GLYR1: variants seen among roughly 807,000 people sequenced by gnomAD.
The protein encoded by GLYR1 is cytokine-like nuclear factor N-PAC.
In GLYR1, 21 loss-of-function variants were observed where a neutral mutation model predicts 72.7. The ratio of observed to expected loss-of-function variants is 0.29; its 90% CI spans 0.20 to 0.42. The LOEUF is 0.42. Ranked by LOEUF, GLYR1 falls within the 10% of genes least tolerant of loss-of-function variation. The pLI, the probability that GLYR1 is intolerant of heterozygous loss-of-function variation, is 1.00. For synonymous variants in GLYR1, 392 were observed against 270.2 expected, an observed-to-expected ratio of 1.45 and a Z score of -4.42; for missense variants, 594 against 712.1, an observed-to-expected ratio of 0.83 and a Z score of 1.89.
At position 4,821,444 on chromosome 16, in the gene GLYR1, A is replaced by G. The variant is rs1412150467; in HGVS notation, c.742T>C (p.Ser248Pro). The stretch of plus-strand genomic sequence containing the variant: ...CTGTCAGCTGCCTGGATGGAGGTGG[A>G]GCCAGTTTCCTACGGACAGGAAGCA... ...KLKICEEETGSTSIQAADSTA... is the reference protein window; with the variant it reads ...KLKICEEETGPTSIQAADSTA... The change falls in exon 9 of 16, where the codon TCC becomes CCC. Residue 248 changes from serine (S) to proline (P), a missense_variant. Ser to Pro is a moderately conservative substitution (Grantham distance 74). Around this residue, in one of 5 missense-constraint regions of GLYR1, gnomAD observed 252 missense variants for 211.3 expected, o/e 1.19. Transcript: ENST00000321919. The G allele has an allele frequency of 3.1e-6, 5 of 1,614,030 alleles. No homozygotes were observed. The highest frequency in any genetic ancestry group is 4.2e-6 in the Non-Finnish European group (5 of 1,180,048).
chr16:4,832,761 T>A lies in GLYR1; in HGVS notation c.294+13A>T. ...GTCTGGCATTGGTAGAAAGTGAACA[T>A]TGTGTCTCTCACCTGGTCTTTCCCT... On this transcript the variant is annotated intron_variant, in intron 4 of 15. Coordinates refer to ENST00000321919, the MANE Select transcript of GLYR1 (RefSeq NM_032569.4). The A allele has an allele frequency of 6.3e-7, 1 of 1,598,474 alleles. No homozygotes were observed. The highest frequency in any genetic ancestry group is 8.5e-7 in the Non-Finnish European group (1 of 1,171,528).
chr16:4,831,538 C>G (rs1246443530), intron 5 of GLYR1, among the ~76,000 whole-genome samples: 1 of 152,254 alleles, frequency 6.6e-6, no homozygotes, highest in Non-Finnish European at 1.5e-5. Context: ...GAATGCCTAC[C>G]CTTCTTTCTT....
At chr16:4,810,887 C>T (rs373888526) in intron 15 of GLYR1, among the ~76,000 whole-genome samples, 135 of 151,308 alleles carry the variant, frequency 8.9e-4, no homozygotes, top group African/African-American at 3.1e-3. Context: ...GGTGGATCAC[C>T]TGAGGTCAGG....
chr16:4,826,101 G>A (rs1363949965), intron 5 of GLYR1, among the ~76,000 whole-genome samples: 2 of 152,104 alleles, frequency 1.3e-5, no homozygotes, highest in Non-Finnish European at 2.9e-5. Context: ...AGGCTGGAGT[G>A]CAGTGACTCA....
intron 3 of GLYR1, among the ~76,000 whole-genome samples, chr16:4,836,736 C>T (rs563658895): frequency 2.8e-4 from 43 of 150,968 alleles, no homozygotes; most frequent in African/African-American, 9.3e-4. Context: ...AACTGGGTGG[C>T]TGTGGGATGG....
chr16:4,823,829 C>A lies in GLYR1; in HGVS notation c.616G>T (p.Ala206Ser). 1 of 1,613,798 alleles carries A rather than the reference C, an allele frequency of 6.2e-7. No individual in the cohort carries two copies. Among genetic ancestry groups the A allele is most frequent in the Non-Finnish European group, 8.5e-7 (1 of 1,179,860 alleles). Reference protein sequence around the residue: ...PMAAFKWQPTASEPVKDADPH... With the variant: ...PMAAFKWQPTSSEPVKDADPH... ...GCAGGAGAGCTCCTTACCTCGCTTG[C>A]GGTTGGCTGCCATTTAAACGCGGCC... is the stretch of plus-strand genomic sequence containing the variant. The change falls in exon 6 of 16, where the codon GCA (alanine) becomes TCA (serine). Residue 206 changes from alanine to serine, a missense_variant. Physicochemically the swap from Ala to Ser is moderately conservative, Grantham distance 99. Around this residue, in one of 5 missense-constraint regions of GLYR1, gnomAD observed 252 missense variants for 211.3 expected, o/e 1.19. Transcript: ENST00000321919.
At chr16:4,836,075 A>G (rs1033222509) in intron 3 of GLYR1, among the ~76,000 whole-genome samples, 41 of 152,314 alleles carry the variant, frequency 2.7e-4, no homozygotes, top group Middle Eastern at 3.4e-3. Context: ...CTGGGATTAC[A>G]GGTATGAGCC....
At chr16:4,812,947 C>A (rs533743606) in intron 12 of GLYR1, among the ~76,000 whole-genome samples, 1 of 150,914 alleles carries the variant, frequency 6.6e-6, no homozygotes, top group East Asian at 2.0e-4. Context: ...CAGGCAACCG[C>A]CACCATGCCT....
At position 4,805,174 on chromosome 16, in the gene GLYR1, C is replaced by G. The variant is rs1478709026; in HGVS notation, c.*62G>C. ...CAGAATGAACTCCCAGGCCCCCGACCCCATGTGAGGAAGAGGGGGTCAGAG... is the reference window on the plus strand; with the variant it reads ...CAGAATGAACTCCCAGGCCCCCGACGCCATGTGAGGAAGAGGGGGTCAGAG... On this transcript the variant is annotated 3_prime_UTR_variant, in exon 16 of 16. Coordinates refer to ENST00000321919, the MANE Select transcript of GLYR1 (RefSeq NM_032569.4). 2 of 1,415,198 alleles carry G rather than the reference C, an allele frequency of 1.4e-6. No individual in the cohort carries two copies. Among genetic ancestry groups the G allele is most frequent in the Non-Finnish European group, 1.0e-6 (1 of 1,003,076 alleles). The allele number at this position is 1,415,198 out of a possible 1,614,324, so 87.7% of individuals were successfully genotyped here.
At chr16:4,812,058 C>G in intron 13 of GLYR1, 28 bp downstream of exon 13, 3 of 1,603,344 alleles carry the variant, frequency 1.9e-6, no homozygotes, top group Non-Finnish European at 2.6e-6. Flanking sequence ...GCCCCAGGCT[C>G]CAGGCCTGAC....
intron 3 of GLYR1, among the ~76,000 whole-genome samples, chr16:4,841,675 C>A (rs577270519): frequency 3.5e-5 from 5 of 143,654 alleles, no homozygotes; most frequent in Non-Finnish European, 7.7e-5. Flanking sequence ...ACAACAACAA[C>A]AAAAAACATA....
At chr16:4,816,378 A>C (rs1348353271) in intron 10 of GLYR1, among the ~76,000 whole-genome samples, 1 of 152,074 alleles carries the variant, frequency 6.6e-6, no homozygotes, top group African/African-American at 2.4e-5. Flanking sequence ...CCTGGACTCA[A>C]GCAATCCTCT....
chr16:4,828,961 T>C (rs535405959), intron 5 of GLYR1, among the ~76,000 whole-genome samples: 32 of 152,144 alleles, frequency 2.1e-4, no homozygotes, highest in Non-Finnish European at 2.6e-4. Flanking sequence ...ATTTGGGAAA[T>C]AGCATAAAAT....
Position 4,805,084 on chromosome 16 carries a change from GTGTGCTGTGCTGA to G in GLYR1, c.*139_*151del, listed in dbSNP as rs2082892526. On this transcript the variant is annotated 3_prime_UTR_variant, in exon 16 of 16. Coordinates refer to ENST00000321919, the MANE Select transcript of GLYR1 (RefSeq NM_032569.4). Reference sequence around the variant, plus strand: ...CCGGCCTCAGGGGAAGGGTGCTGCTGTGTGCTGTGCTGATGGCAAGTCTCAAAGTCTGTATAAA... The same window carrying G: ...CCGGCCTCAGGGGAAGGGTGCTGCTGTGGCAAGTCTCAAAGTCTGTATAAA... 1.5e-6 allele frequency: 1 copy of G among 681,898 alleles called. No individual in the cohort carries two copies. The highest frequency in any genetic ancestry group is 2.6e-6 in the Non-Finnish European group (1 of 377,394). The allele number at this position is 681,898 out of a possible 1,614,324, so 42.2% of individuals were successfully genotyped here. A position where few individuals can be genotyped will look rare whatever the true frequency, so the allele number is the denominator to read the frequency against.
chr16:4,821,565 C>T lies in GLYR1; in HGVS notation c.714G>A (p.Lys238=). The T allele has an allele frequency of 1.9e-6, 3 of 1,614,074 alleles. No individual in the cohort carries two copies. Among genetic ancestry groups the T allele is most frequent in the Non-Finnish European group, 2.5e-6 (3 of 1,180,032 alleles). Residue 238 remains lysine, a synonymous_variant, in exon 8 of 16, where the codon AAG becomes AAA. Coordinates refer to ENST00000321919, the MANE Select transcript of GLYR1 (RefSeq NM_032569.4). The part of the protein sequence containing the change: ...PAVCYQAITK[K]LKICEEETGS... ...TACATACCTCTTCACATATTTTCAA[C>T]TTCTTCGTGATTGCCTGGTAACAGA...
At chr16:4,822,780 A>G (rs543436614) in intron 7 of GLYR1, 95 bp downstream of exon 7, 2 of 1,026,898 alleles carry the variant, frequency 1.9e-6, no homozygotes, top group African/African-American at 1.6e-5. Flanking sequence ...ACACCGGCAG[A>G]GCCTAACTTT....
chr16:4,812,307 G>C (rs1371938080), intron 12 of GLYR1, 59 bp from the exon 13 acceptor site: 2 of 1,551,206 alleles, frequency 1.3e-6, no homozygotes, highest in South Asian at 1.2e-5. Context: ...CTCTGGGCAG[G>C]ACTCAAGGAG....
chr16:4,819,040 T>C (rs1258828020), intron 9 of GLYR1, among the ~76,000 whole-genome samples: 1 of 152,256 alleles, frequency 6.6e-6, no homozygotes, highest in Non-Finnish European at 1.5e-5. Flanking sequence ...GGATGACTTT[T>C]AGCTTGCCAA....
intron 5 of GLYR1, among the ~76,000 whole-genome samples, chr16:4,830,775 G>C (rs2084747073): frequency 6.6e-6 from 1 of 152,166 alleles, no homozygotes; most frequent in Non-Finnish European, 1.5e-5. Flanking sequence ...AAGAAGGCGA[G>C]AGAGGCACTC....
Sources: allele counts gnomAD v4.1 joint callset (sites outside exome capture counted in the v4.1 genomes callset), GRCh38; gene constraint gnomAD v4.1.1; regional missense constraint gnomAD v4.1.1; transcripts MANE v1.5; gene names NCBI Gene and HGNC (gene_info 2026-07-23, HGNC 2026-07-21).